ABCD3: variants seen among roughly 807,000 people sequenced by gnomAD.
The protein encoded by ABCD3 is ATP binding cassette subfamily D member 3, also known as ATP-binding cassette sub-family D member 3.
In ABCD3, 41 loss-of-function variants were observed where a neutral mutation model predicts 105.5. That is an observed-to-expected ratio of 0.39 (90% CI 0.30 to 0.50). The LOEUF is 0.50. Among genes scored for constraint, ABCD3 ranks in the 20% least tolerant of loss-of-function variants. ABCD3 has a pLI of 0.84. For missense variants in ABCD3, 622 were observed against 806.3 expected (o/e 0.77, Z 2.77); for synonymous variants, 258 against 269.0 (o/e 0.96, Z 0.40).
intron 1 of ABCD3, among the ~76,000 whole-genome samples, chr1:94,425,285 G>T (rs978158381): frequency 1.3e-5 from 2 of 152,002 alleles, no homozygotes; most frequent in Non-Finnish European, 2.9e-5. Flanking sequence ...GTATTTATGT[G>T]CATTTTTACA....
chr1:94,470,541 TTTGAAA>T (rs1421946386), intron 4 of ABCD3, among the ~76,000 whole-genome samples: 6 of 152,202 alleles, frequency 3.9e-5, no homozygotes, highest in African/African-American at 1.4e-4. Flanking sequence ...TTACTGGATG[TTTGAAA>T]ATTTCACTGA....
At chr1:94,401,289 C>T in the ABCD3 span, among the ~76,000 whole-genome samples, 6 of 152,204 alleles carry the variant, frequency 3.9e-5, no homozygotes, top group East Asian at 1.9e-4. Context: ...CATGTATAGT[C>T]GTAGGCCTGG....
At chr1:94,478,630 C>T (rs757514495) in intron 8 of ABCD3, 47 of 1,064,252 alleles carry the variant, frequency 4.4e-5, no homozygotes, top group Middle Eastern at 3.1e-4. Flanking sequence ...ATGGGAGGAT[C>T]GCTTGAATCC....
intron 1 of ABCD3, among the ~76,000 whole-genome samples, chr1:94,446,458 A>G (rs1410978509): frequency 4.6e-5 from 7 of 152,244 alleles, no homozygotes; most frequent in South Asian, 2.1e-4. Flanking sequence ...TCAGATTACA[A>G]TGGAGAAATT....
At chr1:94,469,912 G>A (rs551005669) in intron 4 of ABCD3, among the ~76,000 whole-genome samples, 34 of 152,008 alleles carry the variant, frequency 2.2e-4, no homozygotes, top group Middle Eastern at 3.4e-3. Flanking sequence ...TGGTCCTCCC[G>A]CCTCGGCCTC....
intron 13 of ABCD3, among the ~76,000 whole-genome samples, chr1:94,488,273 C>CT (rs1336506376): frequency 6.6e-6 from 1 of 152,028 alleles, no homozygotes; most frequent in Non-Finnish European, 1.5e-5. Flanking sequence ...TCACAGAAAA[C>CT]TATGTTTATG....
intron 1 of ABCD3, among the ~76,000 whole-genome samples, chr1:94,438,501 AG>A (rs1434609838): frequency 6.6e-6 from 1 of 152,322 alleles, no homozygotes; most frequent in East Asian, 1.9e-4. Context: ...AAGATTTGAG[AG>A]GATTGATTGA....
chr1:94,388,369 T>C, the ABCD3 span, among the ~76,000 whole-genome samples: 1 of 142,618 alleles, frequency 7.0e-6, no homozygotes, highest in Admixed American at 7.1e-5. Flanking sequence ...CAGAGCATTC[T>C]GAGATTATCA....
chr1:94,512,333 T>G (rs1176542508), intron 21 of ABCD3, among the ~76,000 whole-genome samples: 2 of 152,000 alleles, frequency 1.3e-5, no homozygotes, highest in African/African-American at 4.8e-5. Flanking sequence ...ATAAATGAGA[T>G]ATAAAAGATA....
At chr1:94,448,406 C>T (rs542297448) in intron 1 of ABCD3, among the ~76,000 whole-genome samples, 1 of 152,190 alleles carries the variant, frequency 6.6e-6, no homozygotes, top group East Asian at 1.9e-4. Flanking sequence ...TTGGATCCTC[C>T]CTAGAATAAC....
At chr1:94,509,330 A>T (rs758083624) in intron 21 of ABCD3, among the ~76,000 whole-genome samples, 10 of 152,218 alleles carry the variant, frequency 6.6e-5, no homozygotes, top group Non-Finnish European at 1.3e-4. Flanking sequence ...CATCCCAGGG[A>T]TGAAGCCCAG....
chr1:94,444,458 C>G (rs1660269389), intron 1 of ABCD3, among the ~76,000 whole-genome samples: 1 of 152,108 alleles, frequency 6.6e-6, no homozygotes, highest in Admixed American at 6.5e-5. Flanking sequence ...AGCCACTGCA[C>G]CTGGCCATTT....
chr1:94,398,608 T>A, the ABCD3 span, among the ~76,000 whole-genome samples: 1 of 152,154 alleles, frequency 6.6e-6, no homozygotes, highest in Admixed American at 6.6e-5. Context: ...GGTAGCCTGA[T>A]ATATTTTTTA....
chr1:94,414,767 T>C (rs1472480069), upstream of ABCD3, among the ~76,000 whole-genome samples: 1 of 152,250 alleles, frequency 6.6e-6, no homozygotes, highest in African/African-American at 2.4e-5. Flanking sequence ...TCTTTGCTCC[T>C]GTTGTATCTT....
intron 1 of ABCD3, among the ~76,000 whole-genome samples, chr1:94,454,532 A>G (rs1647446589): frequency 6.6e-6 from 1 of 152,216 alleles, no homozygotes; most frequent in African/African-American, 2.4e-5. Context: ...GGAGGGGGTC[A>G]GAGAAAGGGT....
At chr1:94,397,839 T>A in the ABCD3 span, among the ~76,000 whole-genome samples, 1 of 152,200 alleles carries the variant, frequency 6.6e-6, no homozygotes, top group Admixed American at 6.5e-5. Context: ...ATTTAATATA[T>A]GTTTCAGGGA....
chr1:94,431,306 T>C (rs1038872632), intron 1 of ABCD3, among the ~76,000 whole-genome samples: 7 of 152,158 alleles, frequency 4.6e-5, no homozygotes, highest in Admixed American at 6.5e-5. Context: ...TGGCCTGAGA[T>C]AGGCAGGTAG....
chr1:94,464,635 G>GTT, intron 2 of ABCD3, 140 bp from the exon 3 acceptor site: 1 of 745,430 alleles, frequency 1.3e-6, no homozygotes. Flanking sequence ...GAGGAGCAGT[G>GTT]TAAGTATGCA....
At chr1:94,489,334 C>A (rs748436689) in intron 13 of ABCD3, among the ~76,000 whole-genome samples, 37 of 151,972 alleles carry the variant, frequency 2.4e-4, no homozygotes, top group Non-Finnish European at 4.4e-4. Context: ...ATAGAAAGAC[C>A]AGCTTTATAC....
Sources: gnomAD v4.1 joint callset for allele counts (sites outside exome capture counted in the v4.1 genomes callset) on GRCh38, gnomAD v4.1.1 for gene constraint, MANE v1.5 for transcripts, NCBI Gene and HGNC (gene_info 2026-07-23, HGNC 2026-07-21) for gene names.